The following EYA2 variants were observed in gnomAD, a reference collection of about 807,000 sequenced individuals.
EYA2 encodes protein phosphatase EYA2.
EYA2 carries 31 observed loss-of-function variants against 69.2 expected under a neutral mutation model. The ratio of observed to expected loss-of-function variants is 0.45; its 90% CI spans 0.34 to 0.60. EYA2 has a LOEUF of 0.60. Among genes scored for constraint, EYA2 ranks in the 20% least tolerant of loss-of-function variants. The pLI is 0.02. For synonymous variants in EYA2, 257 were observed against 279.4 expected, an observed-to-expected ratio of 0.92 and a Z score of 0.80; for missense variants, 622 against 701.2, an observed-to-expected ratio of 0.89 and a Z score of 1.28.
At chr20:46,903,831 TA>T (rs1204569736) in intron 1 of EYA2, among the ~76,000 whole-genome samples, 3 of 152,148 alleles carry the variant, frequency 2.0e-5, no homozygotes, top group Non-Finnish European at 4.4e-5. Flanking sequence ...ATGATAATAA[TA>T]ATAGTAACAA....
chr20:47,013,215 A>G (rs1229830928), intron 4 of EYA2, among the ~76,000 whole-genome samples: 1 of 152,218 alleles, frequency 6.6e-6, no homozygotes, highest in African/African-American at 2.4e-5. Flanking sequence ...CCTCCAGCCT[A>G]AACAGAGAGC....
intron 5 of EYA2, among the ~76,000 whole-genome samples, chr20:47,056,122 AT>A (rs988410101): frequency 1.7e-4 from 26 of 152,214 alleles, no homozygotes; most frequent in Non-Finnish European, 3.1e-4. Flanking sequence ...CCATTGTGAC[AT>A]TTAGCAACTG....
intron 9 of EYA2, among the ~76,000 whole-genome samples, chr20:47,140,344 T>C (rs1199649040): frequency 3.3e-5 from 5 of 152,262 alleles, no homozygotes; most frequent in African/African-American, 1.2e-4. Context: ...CTCGGGGCCT[T>C]GATGAAGTGT....
chr20:46,921,850 T>G (rs4809604), intron 1 of EYA2, among the ~76,000 whole-genome samples: 70,804 of 152,096 alleles, frequency 0.47, 17,194 homozygotes, highest in East Asian at 0.83. Flanking sequence ...ATTATTTCTT[T>G]TTTACTTAAA....
rs537062071 is a variant in EYA2, at chr20:47,143,054, C to A, written c.889-5C>A. On this transcript the variant is annotated splice_region_variant and splice_polypyrimidine_tract_variant and intron_variant, in intron 9 of 15. Transcript: ENST00000327619. ...CATGTGATTTTCCCCTTCTCTGCCT[C>A]GCAGGACACCACGACGTCCGTGCGC... 4.3e-6 allele frequency: 7 copies of A among 1,612,674 alleles called. No individual in the cohort carries two copies. The African/African-American group carries it at 9.3e-5, about 22-fold the overall frequency.
At chr20:47,052,333 T>TGAG (rs1463442276) in intron 5 of EYA2, among the ~76,000 whole-genome samples, 1 of 151,852 alleles carries the variant, frequency 6.6e-6, no homozygotes, top group South Asian at 2.1e-4. Context: ...GAGACCCAAA[T>TGAG]GAGGAGGAGG....
chr20:46,956,986 A>G (rs1979161892), intron 1 of EYA2, among the ~76,000 whole-genome samples: 1 of 152,150 alleles, frequency 6.6e-6, no homozygotes, highest in Non-Finnish European at 1.5e-5. Context: ...CTATGATTTA[A>G]TTACCTCCCA....
intron 1 of EYA2, among the ~76,000 whole-genome samples, chr20:46,959,215 C>G (rs566428282): frequency 1.3e-5 from 2 of 152,276 alleles, no homozygotes; most frequent in East Asian, 3.9e-4. Context: ...GCAGAATGAC[C>G]TGACTGAGTC....
intron 1 of EYA2, among the ~76,000 whole-genome samples, chr20:46,920,412 C>T (rs918464196): frequency 1.3e-5 from 2 of 152,294 alleles, no homozygotes; most frequent in Admixed American, 6.5e-5. Flanking sequence ...ATTTTGAGGA[C>T]GTGACACGTT....
chr20:47,127,292 A>G (rs1440203678), intron 9 of EYA2, among the ~76,000 whole-genome samples: 2 of 152,130 alleles, frequency 1.3e-5, no homozygotes, highest in African/African-American at 4.8e-5. Context: ...TCTACTTATT[A>G]TGCAAGTTTC....
At chr20:47,144,534 C>T (rs1437112547) in intron 10 of EYA2, among the ~76,000 whole-genome samples, 3 of 152,186 alleles carry the variant, frequency 2.0e-5, no homozygotes. Flanking sequence ...GCCCAAGGCA[C>T]TACTAATATT....
In EYA2 at chr20:47,007,458, T is replaced by G. The variant is rs545187716; in HGVS notation, c.298+2374T>G. 1.2e-4 allele frequency among the ~76,000 whole-genome samples: 18 copies of G among 152,152 alleles called. No homozygotes were observed. In the East Asian group the frequency reaches 3.5e-3, roughly 29 times the overall value. ...TGGCAATTCTGAGAAGACTAATGGC[T>G]GGAGCACAATGGGAGATGAGGTGAA... On this transcript the variant is annotated intron_variant, in intron 4 of 15. Coordinates refer to ENST00000327619, the MANE Select transcript of EYA2 (RefSeq NM_005244.5).
chr20:47,101,130 G>T (rs10211850), intron 9 of EYA2, among the ~76,000 whole-genome samples: 12,147 of 152,116 alleles, frequency 0.08, 648 homozygotes, highest in East Asian at 0.19. Context: ...CTGCTGCCCA[G>T]GCTGGAGTGC....
In EYA2 at chr20:46,996,147, G is replaced by A. The variant is rs188241947; in HGVS notation, c.110-5281G>A. On this transcript the variant is annotated intron_variant, in intron 2 of 15. Transcript: ENST00000327619. ...ACTGCGTGAATGAATGAAACATGGT[G>A]TGTATCCTCGGGTAAGTTGCTTCAC... Among the ~76,000 whole-genome samples the A allele has an allele frequency of 8.1e-4, 123 of 152,336 alleles. 1 individual carries two copies. Among genetic ancestry groups the A allele is most frequent in the Non-Finnish European group, 1.2e-4 (8 of 68,024 alleles).
intron 5 of EYA2, among the ~76,000 whole-genome samples, chr20:47,061,706 G>A (rs1471181498): frequency 5.3e-5 from 8 of 152,160 alleles, no homozygotes; most frequent in African/African-American, 1.2e-4. Context: ...ATTAGATACG[G>A]CCACAGCATC....
chr20:46,978,581 CTT>C (rs754269992), intron 1 of EYA2: 4 of 534,812 alleles, frequency 7.5e-6, no homozygotes, highest in South Asian at 5.6e-5. Flanking sequence ...GTTCGGAACT[CTT>C]TGCTTTATCT....
intron 5 of EYA2, among the ~76,000 whole-genome samples, chr20:47,036,492 G>A (rs1324294533): frequency 1.3e-5 from 2 of 152,120 alleles, no homozygotes; most frequent in African/African-American, 2.4e-5. Context: ...GGGCTAGGAG[G>A]GTAAGCAGAC....
At chr20:47,075,091 A>T (rs2031466483) in intron 7 of EYA2, among the ~76,000 whole-genome samples, 1 of 152,260 alleles carries the variant, frequency 6.6e-6, no homozygotes, top group Non-Finnish European at 1.5e-5. Flanking sequence ...AGCCTGGGCA[A>T]CAAGAGTGAA....
chr20:47,023,644 T>TTG (rs1568730350), intron 5 of EYA2, among the ~76,000 whole-genome samples: 10 of 141,476 alleles, frequency 7.1e-5, no homozygotes, highest in Non-Finnish European at 7.7e-5. Context: ...TTTTTTTTTT[T>TTG]TTTTTTTTTT....
Sources: allele counts gnomAD v4.1 joint callset (sites outside exome capture counted in the v4.1 genomes callset), GRCh38; gene constraint gnomAD v4.1.1; transcripts MANE v1.5; gene names NCBI Gene and HGNC (gene_info 2026-07-23, HGNC 2026-07-21).